The following TARS2 variants were observed in gnomAD, a reference collection of about 807,000 sequenced individuals.
TARS2 encodes the protein threonine--tRNA ligase, mitochondrial.
In TARS2, 61 loss-of-function variants were observed where a neutral mutation model predicts 94.4. The observed-to-expected ratio is 0.65, with a 90% CI of 0.53 to 0.80. The LOEUF is 0.80. Among genes scored for constraint, TARS2 ranks in the 30% least tolerant of loss-of-function variants. TARS2 has a pLI of 0.00. For missense variants in TARS2, 704 were observed against 902.5 expected (o/e 0.78, Z 2.82); for synonymous variants, 359 against 353.4 (o/e 1.02, Z -0.18).
intron 7 of TARS2, among the ~76,000 whole-genome samples, chr1:150,496,059 G>C (rs929837361): frequency 6.6e-6 from 1 of 152,128 alleles, no homozygotes; most frequent in African/African-American, 2.4e-5. Context: ...AGAGGCTTTT[G>C]GATTTCATGT....
intron 5 of TARS2, 34 bp downstream of exon 5, chr1:150,491,545 C>G (rs753325851): frequency 6.2e-7 from 1 of 1,614,004 alleles, no homozygotes; most frequent in Non-Finnish European, 8.5e-7. Context: ...TCTTCCAGGA[C>G]ATCTTTGTGG....
At chr1:150,499,352 A>T (rs976253236) in intron 13 of TARS2, 59 bp downstream of exon 13, 1 of 1,529,648 alleles carries the variant, frequency 6.5e-7, no homozygotes, top group African/African-American at 1.4e-5. Flanking sequence ...GTTTTAGTAA[A>T]TATTTAATAG....
intron 7 of TARS2, among the ~76,000 whole-genome samples, chr1:150,494,268 G>C (rs587750442): frequency 7.9e-5 from 12 of 151,614 alleles, no homozygotes; most frequent in African/African-American, 2.4e-4. Flanking sequence ...AAAAAAGGCT[G>C]AGGCAGGAGA....
chr1:150,507,153 C>T lies in TARS2; in HGVS notation c.*89C>T, dbSNP rs1670267064. 8 of 1,551,838 alleles carry T rather than the reference C, an allele frequency of 5.2e-6. No homozygotes were observed. The highest frequency in any genetic ancestry group is 7.0e-6 in the Non-Finnish European group (8 of 1,144,308). On this transcript the variant is annotated 3_prime_UTR_variant, in exon 18 of 18. Coordinates refer to ENST00000369064, the MANE Select transcript of TARS2 (RefSeq NM_025150.5). ...CCAACCCAGCTGACAATGTGGAGCC[C>T]CCAGAACTTCAGAACTGTGTGGAGG...
chr1:150,488,718 T>C lies in TARS2; in HGVS notation c.264-246T>C, dbSNP rs1227977925. ...TACAATAAATTATTATTAACTGTATTCACCCAACTCTGCTATGGAACATTA... is the reference window on the plus strand; with the variant it reads ...TACAATAAATTATTATTAACTGTATCCACCCAACTCTGCTATGGAACATTA... On this transcript the variant is annotated intron_variant, in intron 2 of 17. Coordinates refer to ENST00000369064, the MANE Select transcript of TARS2 (RefSeq NM_025150.5). 4 of 383,578 alleles carry C rather than the reference T, an allele frequency of 1.0e-5. No homozygotes were observed. In the East Asian group the frequency reaches 1.9e-4, roughly 18 times the overall value. The allele number at this position is 383,578 out of a possible 1,614,324, so 23.8% of individuals were successfully genotyped here.
chr1:150,505,805 T>A, intron 17 of TARS2, 100 bp downstream of exon 17: 1 of 1,111,128 alleles, frequency 9.0e-7, no homozygotes, highest in Non-Finnish European at 1.3e-6. Flanking sequence ...TAATTGGGGC[T>A]CATTACCTGA....
chr1:150,501,870 T>C (rs1398591088), intron 13 of TARS2, among the ~76,000 whole-genome samples: 1 of 151,754 alleles, frequency 6.6e-6, no homozygotes, highest in Non-Finnish European at 1.5e-5. Flanking sequence ...AGAACTGTTA[T>C]ATAGCTAAAA....
intron 7 of TARS2, among the ~76,000 whole-genome samples, chr1:150,494,315 G>C (rs1669543424): frequency 6.8e-6 from 1 of 147,954 alleles, no homozygotes; most frequent in Non-Finnish European, 1.5e-5. Flanking sequence ...AGGTTGCAGT[G>C]AGCTGAGATT....
chr1:150,495,336 T>TATAC (rs1553904125), intron 7 of TARS2, among the ~76,000 whole-genome samples: 4 of 150,444 alleles, frequency 2.7e-5, no homozygotes, highest in Admixed American at 2.6e-4. Context: ...CAGATGTATA[T>TATAC]ACACACACAC....
chr1:150,504,611 C>CG (rs1253883717), intron 14 of TARS2, 21 bp from the exon 15 acceptor site: 1 of 1,609,174 alleles, frequency 6.2e-7, no homozygotes, highest in Non-Finnish European at 8.5e-7. Flanking sequence ...TTCCATCCAC[C>CG]CCCCCCTTTT....
chr1:150,500,567 C>G (rs760822314), intron 13 of TARS2, among the ~76,000 whole-genome samples: 4 of 151,154 alleles, frequency 2.6e-5, no homozygotes, highest in Non-Finnish European at 5.9e-5. Flanking sequence ...GCCTGGGCAA[C>G]AGAGCAAGAC....
chr1:150,503,542 C>CAG (rs1670016280), intron 13 of TARS2, among the ~76,000 whole-genome samples: 1 of 85,794 alleles, frequency 1.2e-5, no homozygotes, highest in African/African-American at 4.1e-5. Flanking sequence ...AAAAAATACA[C>CAG]ATATGTGTGT....
chr1:150,490,845 C>G, intron 4 of TARS2, 120 bp downstream of exon 4: 1 of 1,387,700 alleles, frequency 7.2e-7, no homozygotes, highest in Admixed American at 2.1e-5. Flanking sequence ...CTCTAGGTCT[C>G]AACTATGACA....
intron 13 of TARS2, among the ~76,000 whole-genome samples, chr1:150,500,701 T>TA (rs1669874092): frequency 6.6e-6 from 1 of 151,710 alleles, no homozygotes; most frequent in Non-Finnish European, 1.5e-5. Context: ...CTGTCTCTAC[T>TA]AAAAATACAA....
At chr1:150,503,447 G>T (rs945809138) in intron 13 of TARS2, among the ~76,000 whole-genome samples, 1 of 151,758 alleles carries the variant, frequency 6.6e-6, no homozygotes, top group Non-Finnish European at 1.5e-5. Flanking sequence ...CAGCACTTTG[G>T]GAGGCCGAAG....
intron 13 of TARS2, among the ~76,000 whole-genome samples, chr1:150,500,809 G>T (rs1669880901): frequency 1.3e-5 from 2 of 152,170 alleles, no homozygotes; most frequent in African/African-American, 4.8e-5. Flanking sequence ...GGGCGACAGA[G>T]TGAGGCTCCA....
chr1:150,505,364 G>C lies in TARS2; in HGVS notation c.1894-227G>C, dbSNP rs34609268. On this transcript the variant is annotated intron_variant, in intron 16 of 17. Transcript: ENST00000369064. Reference sequence around the variant, plus strand: ...AGAAGGCAAAGTCCACGGAATAACTGGGGGGTCATCTCCAGTAGGAGGCAG... The same window carrying C: ...AGAAGGCAAAGTCCACGGAATAACTCGGGGGTCATCTCCAGTAGGAGGCAG... Among the ~76,000 whole-genome samples the C allele has an allele frequency of 0.057, 8,719 of 152,140 alleles. 406 individuals carry two copies. The highest frequency in any genetic ancestry group is 0.091 in the Non-Finnish European group (6,215 of 67,992).
chr1:150,491,748 G>C lies in TARS2; in HGVS notation c.695+86G>C, dbSNP rs587695780. 4.3e-6 allele frequency: 6 copies of C among 1,394,708 alleles called. No homozygotes were observed. In the Admixed American group the frequency reaches 8.9e-5, roughly 21 times the overall value. The allele number at this position is 1,394,708 out of a possible 1,614,324, so 86.4% of individuals were successfully genotyped here. ...ATGCGATAAGGGAAGAAAGATAGAA[G>C]GTAATTTGTGTTGCTCCAGAAAAAG... On this transcript the variant is annotated intron_variant, in intron 6 of 17. Transcript: ENST00000369064.
At chr1:150,503,558 T>G (rs1670022701) in intron 13 of TARS2, among the ~76,000 whole-genome samples, 1 of 96,090 alleles carries the variant, frequency 1.0e-5, no homozygotes, top group African/African-American at 4.0e-5. Context: ...TGTGTGTGTG[T>G]GTGTGTGTGT....
Sources: gnomAD v4.1 joint callset for allele counts (sites outside exome capture counted in the v4.1 genomes callset) on GRCh38, gnomAD v4.1.1 for gene constraint, MANE v1.5 for transcripts, NCBI Gene and HGNC (gene_info 2026-07-23, HGNC 2026-07-21) for gene names.